BICD1: variants seen among roughly 807,000 people sequenced by gnomAD.
The protein encoded by BICD1 is BICD cargo adaptor 1, also known as protein bicaudal D homolog 1.
A neutral mutation model predicts 92.5 loss-of-function variants in BICD1; 35 were observed. That is an observed-to-expected ratio of 0.38 (90% CI 0.29 to 0.50). The LOEUF is 0.50. Ranked by LOEUF, BICD1 falls within the 20% of genes least tolerant of loss-of-function variation. The pLI, the probability that BICD1 is intolerant of heterozygous loss-of-function variation, is 0.93. For synonymous variants in BICD1, 429 were observed against 465.1 expected (o/e 0.92, Z 1.00); for missense variants, 950 against 1,189.8 (o/e 0.80, Z 2.97).
rs74074441 is a variant in BICD1 at position 32,161,148 on chromosome 12, G to A, written c.213+53604G>A. On this transcript the variant is annotated intron_variant, in intron 1 of 9. Transcript: ENST00000652176. Reference sequence around the variant, plus strand: ...AATGCAATCTTTAACATGACTTACTGAGCCCCCAACATGGTAAAAGATCTT... The same window carrying A: ...AATGCAATCTTTAACATGACTTACTAAGCCCCCAACATGGTAAAAGATCTT... 9.9e-3 allele frequency among the ~76,000 whole-genome samples: 1,505 copies of A among 152,218 alleles called. 28 individuals carry two copies. Among genetic ancestry groups the A allele is most frequent in the African/African-American group, 0.034 (1,426 of 41,526 alleles).
intron 3 of BICD1, among the ~76,000 whole-genome samples, chr12:32,300,384 T>A (rs1441048647): frequency 2.6e-5 from 4 of 151,836 alleles, no homozygotes; most frequent in Admixed American, 2.6e-4. Flanking sequence ...ATTACAGGCA[T>A]GAGCCACCGT....
intron 2 of BICD1, among the ~76,000 whole-genome samples, chr12:32,276,688 G>T (rs1446707301): frequency 6.6e-6 from 1 of 150,388 alleles, no homozygotes; most frequent in Non-Finnish European, 1.5e-5. Flanking sequence ...AAAAAAAAAA[G>T]AATCTTCAAA....
intron 8 of BICD1, chr12:32,340,256 G>A (rs1938312153): frequency 1.0e-6 from 1 of 985,258 alleles, no homozygotes; most frequent in African/African-American, 1.7e-5. Context: ...GAGGAAATTG[G>A]TAGTGATAAT....
intron 1 of BICD1, among the ~76,000 whole-genome samples, chr12:32,166,810 T>C: frequency 6.6e-6 from 1 of 152,108 alleles, no homozygotes; most frequent in Non-Finnish European, 1.5e-5. Context: ...GTTCTCAACC[T>C]CTCTAAGACT....
chr12:32,109,942 G>A (rs899800966), intron 1 of BICD1, among the ~76,000 whole-genome samples: 1 of 151,922 alleles, frequency 6.6e-6, no homozygotes, highest in Non-Finnish European at 1.5e-5. Flanking sequence ...TGCTCATCAG[G>A]TATGTATAGT....
intron 1 of BICD1, among the ~76,000 whole-genome samples, chr12:32,171,869 G>A (rs373022210): frequency 6.6e-6 from 1 of 151,744 alleles, no homozygotes. Flanking sequence ...AGGAGGCGGA[G>A]GTTGCCCTGA....
At chr12:32,342,057 C>A (rs1938386794) in intron 8 of BICD1, among the ~76,000 whole-genome samples, 1 of 150,170 alleles carries the variant, frequency 6.7e-6, no homozygotes, top group African/African-American at 2.4e-5. Context: ...ATCTATTAAT[C>A]ATTTTAAAAG....
At chr12:32,172,009 G>A (rs922899575) in intron 1 of BICD1, among the ~76,000 whole-genome samples, 5 of 150,308 alleles carry the variant, frequency 3.3e-5, no homozygotes, top group African/African-American at 1.2e-4. Flanking sequence ...CTGACATTGA[G>A]CATTATACAG....
rs11296815 is a variant in BICD1, at chr12:32,183,264, C to CTT, written c.214-32966_214-32965dup. 9.6e-3 allele frequency among the ~76,000 whole-genome samples: 1,277 copies of CTT among 132,646 alleles called. 8 individuals are homozygous for CTT. Among genetic ancestry groups the CTT allele is most frequent in the Non-Finnish European group, 0.014 (896 of 62,006 alleles). 87.0% of individuals were successfully genotyped at this position (132,646 alleles called of 152,430 possible). ...TTTTAGGCCATTTTACTAATAATTA[C>CTT]TTTTTTTTTTTTTTTTTTAGTTTTT... On this transcript the variant is annotated intron_variant, in intron 1 of 9. Transcript: ENST00000652176.
At chr12:32,329,252 G>A in intron 5 of BICD1, among the ~76,000 whole-genome samples, 1 of 152,056 alleles carries the variant, frequency 6.6e-6, no homozygotes, top group South Asian at 2.1e-4. Context: ...TTACAGGCAT[G>A]TGCCACCATG....
intron 2 of BICD1, among the ~76,000 whole-genome samples, chr12:32,285,496 TGACTC>T (rs1947538646): frequency 6.6e-6 from 1 of 152,206 alleles, no homozygotes; most frequent in East Asian, 1.9e-4. Context: ...TTTAATATAT[TGACTC>T]TGTGTGGTGA....
intron 1 of BICD1, among the ~76,000 whole-genome samples, chr12:32,166,726 T>C (rs1943782027): frequency 6.6e-6 from 1 of 152,170 alleles, no homozygotes; most frequent in Non-Finnish European, 1.5e-5. Flanking sequence ...CAGGCGCCTG[T>C]CTCAGTGAGA....
intron 2 of BICD1, among the ~76,000 whole-genome samples, chr12:32,251,588 G>C (rs1946523659): frequency 6.6e-6 from 1 of 151,984 alleles, no homozygotes; most frequent in South Asian, 2.1e-4. Context: ...TCACCTAATT[G>C]TATATTTTCT....
rs1170741219 is a variant in BICD1 at position 32,382,197 on chromosome 12, T to G, written c.*4570T>G. On this transcript the variant is annotated 3_prime_UTR_variant, in exon 10 of 10. Transcript: ENST00000652176. ...AACCTGATCGTATTATGTTTACAGC[T>G]GAAAGATTTCATCTAGACATGTCTT... The G allele has an allele frequency of 6.6e-6, 1 of 152,132 alleles. No homozygotes were observed. The highest frequency in any genetic ancestry group is 1.5e-5 in the Non-Finnish European group (1 of 67,962). The allele number at this position is 152,132 out of a possible 1,614,324, so 9.4% of individuals were successfully genotyped here.
At chr12:32,333,381 C>G (rs2136273640) in intron 5 of BICD1, among the ~76,000 whole-genome samples, 1 of 152,278 alleles carries the variant, frequency 6.6e-6, no homozygotes, top group Non-Finnish European at 1.5e-5. Context: ...TCACAAGAAA[C>G]TACTTCGGAA....
chr12:32,227,688 C>G (rs972739324), intron 2 of BICD1: 3 of 163,720 alleles, frequency 1.8e-5, no homozygotes, highest in Non-Finnish European at 4.4e-5. Flanking sequence ...GGCAAAGGTA[C>G]ATTCCATTGG....
chr12:32,189,128 T>C (rs186434193), intron 1 of BICD1, among the ~76,000 whole-genome samples: 1 of 152,366 alleles, frequency 6.6e-6, no homozygotes, highest in Admixed American at 6.5e-5. Flanking sequence ...CTTAGGCTCA[T>C]AGTTTTACCT....
intron 2 of BICD1, among the ~76,000 whole-genome samples, chr12:32,225,631 T>TTTTGTTTTTTG (rs1565600352): frequency 7.2e-6 from 1 of 139,388 alleles, no homozygotes; most frequent in Admixed American, 7.6e-5. Context: ...GTTTTTTTTT[T>TTTTGTTTTTTG]TTTTTTTTTT....
At chr12:32,303,151 T>G (rs75411350) in intron 3 of BICD1, among the ~76,000 whole-genome samples, 3 of 151,864 alleles carry the variant, frequency 2.0e-5, no homozygotes, top group Non-Finnish European at 2.9e-5. Flanking sequence ...CCCAGGCTGG[T>G]CTCAAACTCC....
Sources: gnomAD v4.1 joint callset for allele counts (sites outside exome capture counted in the v4.1 genomes callset) on GRCh38, gnomAD v4.1.1 for gene constraint, MANE v1.5 for transcripts, NCBI Gene and HGNC (gene_info 2026-07-23, HGNC 2026-07-21) for gene names.